Variants in PCCA observed in about 807,000 individuals in gnomAD.
PCCA encodes the protein propionyl-CoA carboxylase subunit alpha, also known as propionyl-CoA carboxylase alpha chain, mitochondrial.
Under a neutral mutation model 101.3 loss-of-function variants are expected in PCCA, and 74 were observed. The observed-to-expected ratio is 0.73, with a 90% CI of 0.61 to 0.89. The LOEUF is 0.89. Among genes scored for constraint, PCCA ranks in the 40% least tolerant of loss-of-function variants. The pLI is 0.00. For missense variants in PCCA, 891 were observed against 907.0 expected (o/e 0.98, Z 0.23); for synonymous variants, 294 against 313.6 (o/e 0.94, Z 0.66).
intron 12 of PCCA, among the ~76,000 whole-genome samples, chr13:100,284,110 C>T (rs1419502498): frequency 1.3e-5 from 2 of 152,244 alleles, no homozygotes; most frequent in East Asian, 1.9e-4. Context: ...AATCTCCTGT[C>T]CTGGATGACT....
At chr13:100,189,559 G>A (rs1302243692) in intron 6 of PCCA, among the ~76,000 whole-genome samples, 1 of 152,184 alleles carries the variant, frequency 6.6e-6, no homozygotes, top group African/African-American at 2.4e-5. Flanking sequence ...TCTGTTTGCT[G>A]ATTGTTTATT....
intron 14 of PCCA, among the ~76,000 whole-genome samples, chr13:100,304,766 C>A (rs2152689152): frequency 6.6e-6 from 1 of 152,266 alleles, no homozygotes; most frequent in African/African-American, 2.4e-5. Context: ...CTAGAGCAGT[C>A]AGTTTACCTT....
intron 20 of PCCA, among the ~76,000 whole-genome samples, chr13:100,440,573 G>A (rs1209847066): frequency 6.6e-6 from 1 of 151,678 alleles, no homozygotes; most frequent in Non-Finnish European, 1.5e-5. Flanking sequence ...AAATAAAGCG[G>A]CATACATTTT....
intron 19 of PCCA, among the ~76,000 whole-genome samples, chr13:100,399,470 G>A (rs533481537): frequency 7.9e-5 from 12 of 152,184 alleles, no homozygotes; most frequent in Non-Finnish European, 1.5e-4. Context: ...GCCAATTGGT[G>A]AATTTGTAGA....
In PCCA at chr13:100,330,530, G is replaced by T. The variant is rs747999397; in HGVS notation, c.1430-31G>T. The stretch of plus-strand genomic sequence containing the variant: ...GAATTCAATTTTTCACTGATTCATT[G>T]TTCTTCAATTTGATATCATTTTACT... On this transcript the variant is annotated intron_variant, in intron 16 of 23. Coordinates refer to ENST00000376285, the MANE Select transcript of PCCA (RefSeq NM_000282.4). The T allele has an allele frequency of 3.1e-6, 4 of 1,296,622 alleles. No individual in the cohort carries two copies. The Admixed American group carries it at 6.7e-5, about 22-fold the overall frequency. The allele number at this position is 1,296,622 out of a possible 1,614,324, so 80.3% of individuals were successfully genotyped here.
intron 22 of PCCA, among the ~76,000 whole-genome samples, chr13:100,525,026 T>TAGATAGATAGATAGAC (rs1178941372): frequency 5.1e-4 from 73 of 142,644 alleles, no homozygotes; most frequent in South Asian, 1.1e-3. Flanking sequence ...GATAGATAGA[T>TAGATAGATAGATAGAC]AGACAGACAG....
intron 18 of PCCA, among the ~76,000 whole-genome samples, chr13:100,366,098 A>G (rs960982077): frequency 5.3e-5 from 8 of 152,272 alleles, no homozygotes; most frequent in Non-Finnish European, 7.3e-5. Context: ...TCAAATGATC[A>G]TGAGCAAGAT....
intron 21 of PCCA, among the ~76,000 whole-genome samples, chr13:100,460,460 TCATGGCTGCAGTATTGG>T (rs1213759406): frequency 6.6e-6 from 1 of 152,172 alleles, no homozygotes; most frequent in Non-Finnish European, 1.5e-5. Context: ...AACAGCTTCT[TCATGGCTGCAGTATTGG>T]CATTCACCCA....
chr13:100,317,725 T>C (rs1384559435), intron 16 of PCCA, among the ~76,000 whole-genome samples: 1 of 152,200 alleles, frequency 6.6e-6, no homozygotes, highest in African/African-American at 2.4e-5. Context: ...TAGCTGGGAC[T>C]ACAGGCACAA....
At chr13:100,249,549 T>C (rs1235533052) in intron 8 of PCCA, among the ~76,000 whole-genome samples, 8 of 152,224 alleles carry the variant, frequency 5.3e-5, no homozygotes, top group African/African-American at 1.9e-4. Context: ...AATATTGTGA[T>C]GCCTATTCTG....
intron 16 of PCCA, among the ~76,000 whole-genome samples, chr13:100,322,572 T>G (rs905510729): frequency 1.3e-5 from 2 of 149,492 alleles, no homozygotes; most frequent in Non-Finnish European, 3.0e-5. Flanking sequence ...TTTTTTTAAT[T>G]TTTTTTTTTT....
At chr13:100,346,099 A>G (rs1248857212) in intron 18 of PCCA, among the ~76,000 whole-genome samples, 1 of 152,206 alleles carries the variant, frequency 6.6e-6, no homozygotes, top group Non-Finnish European at 1.5e-5. Flanking sequence ...TGCTAACACA[A>G]CGTTCATTCT....
chr13:100,391,987 A>G (rs1489356886), intron 19 of PCCA, among the ~76,000 whole-genome samples: 2 of 152,116 alleles, frequency 1.3e-5, no homozygotes, highest in African/African-American at 4.8e-5. Flanking sequence ...TGGTCTCTTA[A>G]GTGACCCCTT....
chr13:100,441,653 C>T (rs1038341109), intron 20 of PCCA, among the ~76,000 whole-genome samples: 4 of 152,076 alleles, frequency 2.6e-5, no homozygotes, highest in Non-Finnish European at 5.9e-5. Context: ...TTTTATCTGG[C>T]TTTGGAGTGC....
intron 21 of PCCA, among the ~76,000 whole-genome samples, chr13:100,513,180 G>A (rs1348335694): frequency 6.6e-6 from 1 of 152,200 alleles, no homozygotes; most frequent in African/African-American, 2.4e-5. Flanking sequence ...GTACACTCAC[G>A]GGCTCAGGAC....
intron 4 of PCCA, chr13:100,150,386 TTTA>T (rs1177540423): frequency 3.5e-6 from 1 of 282,658 alleles, no homozygotes; most frequent in Non-Finnish European, 5.8e-6. Flanking sequence ...ATTTTTTATT[TTTA>T]TTATTTTTAA....
chr13:100,204,144 T>C (rs934858992), intron 6 of PCCA, among the ~76,000 whole-genome samples: 1 of 152,026 alleles, frequency 6.6e-6, no homozygotes, highest in Non-Finnish European at 1.5e-5. Flanking sequence ...TTTTTTTTTT[T>C]TTCGAGACAG....
intron 17 of PCCA, among the ~76,000 whole-genome samples, chr13:100,334,233 T>G (rs2070080765): frequency 6.6e-6 from 1 of 152,216 alleles, no homozygotes; most frequent in South Asian, 2.1e-4. Context: ...GCTGCACTTG[T>G]GAGAGCCATG....
intron 19 of PCCA, among the ~76,000 whole-genome samples, chr13:100,391,117 A>G (rs934880895): frequency 6.6e-6 from 1 of 152,098 alleles, no homozygotes; most frequent in African/African-American, 2.4e-5. Flanking sequence ...TCCCGAGTTC[A>G]AGTGAATCTC....
Sources: gnomAD v4.1 joint callset for allele counts (sites outside exome capture counted in the v4.1 genomes callset) on GRCh38, gnomAD v4.1.1 for gene constraint, MANE v1.5 for transcripts, NCBI Gene and HGNC (gene_info 2026-07-23, HGNC 2026-07-21) for gene names.